Variants in NAA50 observed in about 807,000 individuals in gnomAD.
The protein encoded by NAA50 is N-alpha-acetyltransferase 50, NatE catalytic subunit, also known as N-alpha-acetyltransferase 50.
Under a neutral mutation model 20.7 loss-of-function variants are expected in NAA50, and 7 were observed. The ratio of observed to expected loss-of-function variants is 0.34; its 90% CI spans 0.19 to 0.63. The LOEUF (loss-of-function observed/expected upper bound fraction) is 0.63. Ranked by LOEUF, NAA50 falls within the 30% of genes least tolerant of loss-of-function variation. The pLI, the probability that NAA50 is intolerant of heterozygous loss-of-function variation, is 0.75. For synonymous variants in NAA50, 54 were observed against 70.6 expected, an observed-to-expected ratio of 0.77 and a Z score of 1.18; for missense variants, 111 against 199.1, an observed-to-expected ratio of 0.56 and a Z score of 2.66.
At chr3:113,741,473 A>G (rs1201856622) in intron 1 of NAA50, among the ~76,000 whole-genome samples, 2 of 152,218 alleles carry the variant, frequency 1.3e-5, no homozygotes, top group African/African-American at 4.8e-5. Flanking sequence ...GGCTGCATTT[A>G]AAAAAAGATG....
At chr3:113,733,551 T>G (rs1288967459) in intron 1 of NAA50, among the ~76,000 whole-genome samples, 4 of 152,082 alleles carry the variant, frequency 2.6e-5, no homozygotes, top group Admixed American at 2.6e-4. Flanking sequence ...TGTTAAAGAT[T>G]CATATTAAAG....
chr3:113,744,185 C>T (rs571069029), intron 1 of NAA50, among the ~76,000 whole-genome samples: 48 of 152,138 alleles, frequency 3.2e-4, no homozygotes, highest in African/African-American at 1.2e-3. Flanking sequence ...GTATATGCCG[C>T]GTTCAGTGGC....
At chr3:113,725,049 G>A (rs1708184497) in intron 1 of NAA50, among the ~76,000 whole-genome samples, 1 of 152,154 alleles carries the variant, frequency 6.6e-6, no homozygotes, top group Admixed American at 6.5e-5. Context: ...CTAATAAAAG[G>A]AGCATTCCTA....
intron 1 of NAA50, among the ~76,000 whole-genome samples, chr3:113,742,302 C>A (rs1708427611): frequency 6.6e-6 from 1 of 152,130 alleles, no homozygotes; most frequent in Non-Finnish European, 1.5e-5. Context: ...CGCTCTGTTG[C>A]CCAGGCTGAA....
chr3:113,728,542 AGTG>A (rs1308793344), intron 1 of NAA50, among the ~76,000 whole-genome samples: 1 of 152,238 alleles, frequency 6.6e-6, no homozygotes, highest in African/African-American at 2.4e-5. Context: ...ACAAAACAGC[AGTG>A]ATGTAGTCCG....
chr3:113,745,680 C>G, intron 1 of NAA50: 1 of 469,236 alleles, frequency 2.1e-6, no homozygotes, highest in Non-Finnish European at 3.8e-6. Flanking sequence ...TCGGTCGCTT[C>G]TCCCCACTCA....
chr3:113,744,491 A>G (rs543892066), intron 1 of NAA50, among the ~76,000 whole-genome samples: 4 of 151,940 alleles, frequency 2.6e-5, no homozygotes, highest in Non-Finnish European at 5.9e-5. Flanking sequence ...GAAAAGAACA[A>G]AACAAAAGGA....
At chr3:113,743,695 A>T (rs979640684) in intron 1 of NAA50, among the ~76,000 whole-genome samples, 10 of 152,244 alleles carry the variant, frequency 6.6e-5, no homozygotes, top group Admixed American at 1.3e-4. Context: ...TTTACAGTAA[A>T]GAACACAATT....
chr3:113,726,543 A>G (rs1708202092), intron 1 of NAA50, among the ~76,000 whole-genome samples: 1 of 151,916 alleles, frequency 6.6e-6, no homozygotes, highest in African/African-American at 2.4e-5. Flanking sequence ...CAAGAGTTTG[A>G]GACCAGCCTG....
At chr3:113,728,445 T>C (rs1243832208) in intron 1 of NAA50, among the ~76,000 whole-genome samples, 1 of 152,178 alleles carries the variant, frequency 6.6e-6, no homozygotes, top group East Asian at 1.9e-4. Flanking sequence ...AAAATAATAC[T>C]AGAATGAAGG....
At chr3:113,722,444 A>T (rs770901939) in intron 4 of NAA50, among the ~76,000 whole-genome samples, 1 of 152,132 alleles carries the variant, frequency 6.6e-6, no homozygotes, top group Non-Finnish European at 1.5e-5. Context: ...CATGACTGTG[A>T]TCTTAGTCAT....
At chr3:113,734,825 T>C (rs1439758972) in intron 1 of NAA50, among the ~76,000 whole-genome samples, 2 of 152,220 alleles carry the variant, frequency 1.3e-5, no homozygotes, top group Non-Finnish European at 1.5e-5. Context: ...TATAAATACA[T>C]GTTCTGATAG....
chr3:113,733,017 ATT>A (rs367598474), intron 1 of NAA50, among the ~76,000 whole-genome samples: 4 of 140,712 alleles, frequency 2.8e-5, no homozygotes, highest in Admixed American at 7.1e-5. Flanking sequence ...GCTATTAGCC[ATT>A]TTTTTTTTTT....
chr3:113,737,961 T>C (rs1327427535), intron 1 of NAA50, among the ~76,000 whole-genome samples: 1 of 152,130 alleles, frequency 6.6e-6, no homozygotes, highest in African/African-American at 2.4e-5. Context: ...TCCCAGCATT[T>C]TGGGAAGCCA....
Position 113,746,031 on chromosome 3 carries a change from T to G in NAA50, c.-82A>C. 1 of 1,566,752 alleles carries G rather than the reference T, an allele frequency of 6.4e-7. No homozygotes were observed. The highest frequency in any genetic ancestry group is 8.6e-7 in the Non-Finnish European group (1 of 1,159,034). ...GCCCTTAGGTCTCCGCACCCTTAGCTCGGGCCACTCAACCCCGCAAGCCGG... is the reference window on the plus strand; with the variant it reads ...GCCCTTAGGTCTCCGCACCCTTAGCGCGGGCCACTCAACCCCGCAAGCCGG... On this transcript the variant is annotated 5_prime_UTR_variant, in exon 1 of 5. Coordinates refer to ENST00000240922, the MANE Select transcript of NAA50 (RefSeq NM_025146.4).
chr3:113,718,702 A>G lies in NAA50; in HGVS notation c.*3058T>C, dbSNP rs1175933642. 6.6e-6 allele frequency: 1 copy of G among 152,220 alleles called. No individual in the cohort carries two copies. The highest frequency in any genetic ancestry group is 2.4e-5 in the African/African-American group (1 of 41,448). The allele number at this position is 152,220 out of a possible 1,614,324, so 9.4% of individuals were successfully genotyped here. On this transcript the variant is annotated 3_prime_UTR_variant, in exon 5 of 5. Coordinates refer to ENST00000240922, the MANE Select transcript of NAA50 (RefSeq NM_025146.4). ...TAGATTGCAGCCTAAAGTGTCAAGT[A>G]TTTCTAATAATTACATTAAAAATAC... is the stretch of plus-strand genomic sequence containing the variant.
chr3:113,719,949 G>A lies in NAA50; in HGVS notation c.*1811C>T, dbSNP rs1708112289. On this transcript the variant is annotated 3_prime_UTR_variant, in exon 5 of 5. Coordinates refer to ENST00000240922, the MANE Select transcript of NAA50 (RefSeq NM_025146.4). ...AACTCAAGCACTCTTCTCTTGCCAA[G>A]AGCAAGCTGAAGCTTATTCATGAAG... The A allele has an allele frequency of 6.6e-6, 1 of 152,626 alleles. No individual in the cohort carries two copies. Among genetic ancestry groups the A allele is most frequent in the Non-Finnish European group, 1.5e-5 (1 of 68,004 alleles). 9.5% of individuals were successfully genotyped at this position (152,626 alleles called of 1,614,324 possible).
intron 1 of NAA50, among the ~76,000 whole-genome samples, chr3:113,728,920 G>C (rs2107987915): frequency 6.6e-6 from 1 of 151,484 alleles, no homozygotes; most frequent in East Asian, 1.9e-4. Context: ...TGCAGTATAT[G>C]TTAACTCCAA....
intron 1 of NAA50, among the ~76,000 whole-genome samples, chr3:113,745,116 T>C (rs558492007): frequency 6.6e-6 from 1 of 152,312 alleles, no homozygotes; most frequent in South Asian, 2.1e-4. Flanking sequence ...ATTAAAACTA[T>C]ACAACTTAAT....
Sources: allele counts gnomAD v4.1 joint callset (sites outside exome capture counted in the v4.1 genomes callset), GRCh38; gene constraint gnomAD v4.1.1; transcripts MANE v1.5; gene names NCBI Gene and HGNC (gene_info 2026-07-23, HGNC 2026-07-21).